The following CACNB2 variants were observed in gnomAD, a reference collection of about 807,000 sequenced individuals.
The protein encoded by CACNB2 is calcium voltage-gated channel auxiliary subunit beta 2.
Under a neutral mutation model 73.3 loss-of-function variants are expected in CACNB2, and 42 were observed. That is an observed-to-expected ratio of 0.57 (90% CI 0.45 to 0.74). CACNB2 has a LOEUF of 0.74. Ranked by LOEUF, CACNB2 falls within the 30% of genes least tolerant of loss-of-function variation. The pLI, the probability that CACNB2 is intolerant of heterozygous loss-of-function variation, is 0.00. For synonymous variants in CACNB2, 348 were observed against 310.3 expected, an observed-to-expected ratio of 1.12 and a Z score of -1.28; for missense variants, 940 against 853.0, an observed-to-expected ratio of 1.10 and a Z score of -1.27.
intron 2 of CACNB2, among the ~76,000 whole-genome samples, chr10:18,378,090 A>C (rs1055511842): frequency 4.6e-5 from 7 of 152,062 alleles, no homozygotes; most frequent in African/African-American, 1.4e-4. Context: ...AAGAGTTTGC[A>C]TGGGAGGTGG....
rs2053954190 is a variant in CACNB2 at position 18,539,665 on chromosome 10, A to G, written c.1924A>G (p.Ile642Val). The G allele has an allele frequency of 2.5e-6, 4 of 1,613,232 alleles. No individual in the cohort carries two copies. The highest frequency in any genetic ancestry group is 1.1e-5 in the South Asian group (1 of 90,980). The change falls in exon 14 of 14, where the codon ATA becomes GTA. Residue 642 changes from isoleucine (I) to valine (V), a missense_variant. Coordinates refer to ENST00000324631, the MANE Select transcript of CACNB2 (RefSeq NM_201596.3). ...CTACTGTGAAAAGGATGGAGAAGTG[A>G]TATCAAAAAAACGGAATGAGGCTGG... is the stretch of plus-strand genomic sequence containing the variant. ...DRYCEKDGEV[I>V]SKKRNEAGEW...
chr10:18,538,682 G>GTTCT (rs1429519414), intron 13 of CACNB2, among the ~76,000 whole-genome samples: 1 of 152,100 alleles, frequency 6.6e-6, no homozygotes, highest in Admixed American at 6.5e-5. Flanking sequence ...TTTCTTAACT[G>GTTCT]TTCTTACCTC....
In CACNB2 at chr10:18,541,862, C is replaced by CAAAAAAGAAA. The variant is rs1554844255; in HGVS notation, c.*2145_*2154dup. ...GGGTGACAGAGTGAGACTCCATCTC[C>CAAAAAAGAAA]AAAAAAGAAAAAAAAACAAAAAACA... is the stretch of plus-strand genomic sequence containing the variant. On this transcript the variant is annotated 3_prime_UTR_variant, in exon 14 of 14. Transcript: ENST00000324631. The CAAAAAAGAAA allele has an allele frequency of 1.4e-5, 2 of 147,246 alleles. No individual in the cohort carries two copies. The highest frequency in any genetic ancestry group is 5.0e-5 in the African/African-American group (2 of 39,948). The allele number at this position is 147,246 out of a possible 1,614,324, so 9.1% of individuals were successfully genotyped here.
chr10:18,393,118 A>G (rs1200518166), intron 2 of CACNB2, among the ~76,000 whole-genome samples: 1 of 152,016 alleles, frequency 6.6e-6, no homozygotes, highest in Non-Finnish European at 1.5e-5. Context: ...CTGAGGCAGG[A>G]GAATCGCTTG....
At chr10:18,284,144 G>T (rs1236895885) in intron 2 of CACNB2, among the ~76,000 whole-genome samples, 1 of 152,152 alleles carries the variant, frequency 6.6e-6, no homozygotes, top group Non-Finnish European at 1.5e-5. Flanking sequence ...GGTTGGGGAG[G>T]CCTCACAATC....
At chr10:18,159,888 T>G (rs2032331951) in intron 2 of CACNB2, among the ~76,000 whole-genome samples, 1 of 152,174 alleles carries the variant, frequency 6.6e-6, no homozygotes, top group Non-Finnish European at 1.5e-5. Context: ...CACTGTGATT[T>G]CCTGTAAATT....
intron 2 of CACNB2, among the ~76,000 whole-genome samples, chr10:18,196,293 C>CTA: frequency 7.3e-6 from 1 of 136,738 alleles, no homozygotes; most frequent in Admixed American, 7.5e-5. Flanking sequence ...ACCAACAAAA[C>CTA]TTTTTTTTTT....
intron 2 of CACNB2, among the ~76,000 whole-genome samples, chr10:18,391,143 G>A (rs1325739829): frequency 6.6e-6 from 1 of 152,166 alleles, no homozygotes; most frequent in African/African-American, 2.4e-5. Flanking sequence ...TTAATCAACT[G>A]GCCTATAGTT....
At chr10:18,260,370 G>A (rs745578777) in intron 2 of CACNB2, 1 of 897,430 alleles carries the variant, frequency 1.1e-6, no homozygotes, top group Non-Finnish European at 1.3e-6. Context: ...GAATTAATGA[G>A]GTCTGAGTCG....
At chr10:18,461,337 C>G (rs1264346272) in intron 3 of CACNB2, among the ~76,000 whole-genome samples, 9 of 152,200 alleles carry the variant, frequency 5.9e-5, no homozygotes, top group Non-Finnish European at 1.2e-4. Context: ...GAGTGACTGT[C>G]TTGCTGTAAC....
chr10:18,497,220 AAAAAG>A (rs1283589187), intron 3 of CACNB2, among the ~76,000 whole-genome samples: 12 of 151,470 alleles, frequency 7.9e-5, no homozygotes, highest in Non-Finnish European at 1.2e-4. Context: ...AAAAAAAAAA[AAAAAG>A]AAAAGAAGAA....
chr10:18,498,592 T>C (rs2049983528), intron 4 of CACNB2, 115 bp downstream of exon 4: 5 of 1,012,718 alleles, frequency 4.9e-6, no homozygotes, highest in Non-Finnish European at 7.7e-6. Context: ...GCTGCAGTTG[T>C]ATAACACACA....
At chr10:18,518,241 C>T in intron 7 of CACNB2, 95 bp from the exon 8 acceptor site, 2 of 848,290 alleles carry the variant, frequency 2.4e-6, no homozygotes, top group Non-Finnish European at 4.1e-6. Context: ...AAGCCAGTGC[C>T]TCATATTATG....
At chr10:18,454,921 G>A (rs1303294796) in intron 3 of CACNB2, among the ~76,000 whole-genome samples, 1 of 152,018 alleles carries the variant, frequency 6.6e-6, no homozygotes, top group Non-Finnish European at 1.5e-5. Context: ...AGGCACCTGT[G>A]GTCCCAGCTG....
chr10:18,154,673 G>A (rs990311543), intron 2 of CACNB2, among the ~76,000 whole-genome samples: 1 of 152,118 alleles, frequency 6.6e-6, no homozygotes, highest in African/African-American at 2.4e-5. Flanking sequence ...TCGCCATGTT[G>A]GCCAGGCTGG....
intron 2 of CACNB2, among the ~76,000 whole-genome samples, chr10:18,190,737 G>A (rs2034358078): frequency 6.6e-6 from 1 of 152,156 alleles, no homozygotes; most frequent in African/African-American, 2.4e-5. Flanking sequence ...GGTTTGAGAA[G>A]GTGGTAGCAG....
intron 2 of CACNB2, among the ~76,000 whole-genome samples, chr10:18,157,214 G>A (rs148733128): frequency 8.5e-5 from 13 of 152,276 alleles, no homozygotes; most frequent in African/African-American, 3.1e-4. Flanking sequence ...TGTAAATTAT[G>A]ATGTTATAAG....
At chr10:18,458,822 A>G (rs35620050) in intron 3 of CACNB2, among the ~76,000 whole-genome samples, 86,155 of 147,718 alleles carry the variant, frequency 0.58, 26,517 homozygotes, top group Non-Finnish European at 0.69. Context: ...CTGGAGGGCA[A>G]TGGCGTGATC....
intron 3 of CACNB2, among the ~76,000 whole-genome samples, chr10:18,415,422 C>T (rs2044889738): frequency 6.6e-6 from 1 of 150,722 alleles, no homozygotes; most frequent in Non-Finnish European, 1.5e-5. Context: ...GCTATAACTG[C>T]ACCAATATAC....
Sources: gnomAD v4.1 joint callset for allele counts (sites outside exome capture counted in the v4.1 genomes callset) on GRCh38, gnomAD v4.1.1 for gene constraint, MANE v1.5 for transcripts, NCBI Gene and HGNC (gene_info 2026-07-23, HGNC 2026-07-21) for gene names.